RAP1GAP2: variants seen among roughly 807,000 people sequenced by gnomAD.
RAP1GAP2 encodes the protein rap1 GTPase-activating protein 2.
In RAP1GAP2, 27 loss-of-function variants were observed where a neutral mutation model predicts 95.0. The ratio of observed to expected loss-of-function variants is 0.28; its 90% CI spans 0.21 to 0.39. RAP1GAP2 has a LOEUF of 0.39. RAP1GAP2 is among the 10% of genes least tolerant of loss of function. RAP1GAP2 has a pLI of 1.00. For missense variants in RAP1GAP2, 771 were observed against 970.0 expected (o/e 0.79, Z 2.72); for synonymous variants, 373 against 380.9 (o/e 0.98, Z 0.24).
intron 14 of RAP1GAP2, among the ~76,000 whole-genome samples, chr17:2,998,697 TATTTGGA>T (rs1332440034): frequency 2.0e-5 from 3 of 151,520 alleles, no homozygotes; most frequent in African/African-American, 7.3e-5. Flanking sequence ...GTGAGTGTAG[TATTTGGA>T]ATTTGGTAAT....
chr17:2,965,690 T>A lies in RAP1GAP2; in HGVS notation c.596+47T>A. The A allele has an allele frequency of 7.2e-7, 1 of 1,392,398 alleles. No individual in the cohort carries two copies. Among genetic ancestry groups the A allele is most frequent in the Non-Finnish European group, 1.0e-6 (1 of 998,182 alleles). 86.3% of individuals were successfully genotyped at this position (1,392,398 alleles called of 1,614,324 possible). On this transcript the variant is annotated intron_variant, in intron 8 of 24. Coordinates refer to ENST00000254695, the MANE Select transcript of RAP1GAP2 (RefSeq NM_015085.5). The surrounding 1 kb of genome is among the most constrained non-coding windows in gnomAD (Gnocchi z 4.7). ...AGGCCACTTCTCTTCCAGGCAGGGC[T>A]CTCATCGGTGGTGTGGGGGCTGGGA...
Position 2,874,207 on chromosome 17 carries a change from G to C in RAP1GAP2, c.81-31077G>C, listed in dbSNP as rs541856187. ...CAGATTAAATAAGAGGCATAAGATTGAGCTCTGTGCCTGGGGAACAATGGG... is the reference window on the plus strand; with the variant it reads ...CAGATTAAATAAGAGGCATAAGATTCAGCTCTGTGCCTGGGGAACAATGGG... On this transcript the variant is annotated intron_variant, in intron 2 of 24. Transcript: ENST00000254695. 1.8e-4 allele frequency among the ~76,000 whole-genome samples: 27 copies of C among 152,288 alleles called. No individual in the cohort carries two copies. In the South Asian group the frequency reaches 5.4e-3, roughly 30 times the overall value.
At chr17:2,837,825 C>G (rs965495353) in intron 2 of RAP1GAP2, among the ~76,000 whole-genome samples, 1 of 151,600 alleles carries the variant, frequency 6.6e-6, no homozygotes. Flanking sequence ...CCAGGATGGT[C>G]TCGATCCCCT....
At chr17:2,781,928 CTGTG>C (rs980593550) in intron 1 of RAP1GAP2, among the ~76,000 whole-genome samples, 4 of 151,880 alleles carry the variant, frequency 2.6e-5, no homozygotes, top group African/African-American at 7.3e-5. Flanking sequence ...GGGCACGTCT[CTGTG>C]TGGGCAGGTC....
intron 8 of RAP1GAP2, among the ~76,000 whole-genome samples, chr17:2,967,249 T>G (rs2044652604): frequency 6.6e-6 from 1 of 152,052 alleles, no homozygotes; most frequent in Admixed American, 6.6e-5. Flanking sequence ...CGGGTGCCTG[T>G]AGTCCCAGCT....
intron 2 of RAP1GAP2, among the ~76,000 whole-genome samples, chr17:2,803,590 G>A (rs761350046): frequency 2.0e-5 from 3 of 152,178 alleles, no homozygotes; most frequent in African/African-American, 7.2e-5. Context: ...ATTTCAAAAC[G>A]TATCGCGGCC....
chr17:2,797,764 G>C lies in RAP1GAP2; in HGVS notation c.44+1193G>C. The C allele has an allele frequency of 3.0e-6, 3 of 985,400 alleles. No individual in the cohort carries two copies. The highest frequency in any genetic ancestry group is 3.6e-6 in the Non-Finnish European group (3 of 829,920). 61.0% of individuals were successfully genotyped at this position (985,400 alleles called of 1,614,324 possible). ...CGGGCCCTCCCTGACGCCTGGATCT[G>C]GGAGCTGCCACCCCGAGGGTAGGTG... On this transcript the variant is annotated intron_variant, in intron 1 of 24. Coordinates refer to ENST00000254695, the MANE Select transcript of RAP1GAP2 (RefSeq NM_015085.5). This position sits in a 1 kb window ranked among gnomAD's most constrained non-coding sequence, Gnocchi z 5.6.
intron 2 of RAP1GAP2, among the ~76,000 whole-genome samples, chr17:2,829,596 C>G (rs2070743166): frequency 6.6e-6 from 1 of 152,118 alleles, no homozygotes; most frequent in Non-Finnish European, 1.5e-5. Flanking sequence ...CAAGAGCTCA[C>G]CGAAGGGCTT....
intron 3 of RAP1GAP2, among the ~76,000 whole-genome samples, chr17:2,948,590 G>A (rs1055450208): frequency 6.7e-6 from 1 of 149,116 alleles, no homozygotes; most frequent in African/African-American, 2.5e-5. Context: ...TGCAACAAGA[G>A]GGAAGGAAGA....
At chr17:3,007,862 G>A (rs371590713) in intron 16 of RAP1GAP2, 149 bp from the exon 17 acceptor site, 3 of 914,072 alleles carry the variant, frequency 3.3e-6, no homozygotes, top group African/African-American at 1.7e-5. Flanking sequence ...TTGTGAGCAC[G>A]AAGCTCAGCT....
intron 2 of RAP1GAP2, among the ~76,000 whole-genome samples, chr17:2,830,982 A>C (rs117217205): frequency 0.71 from 37,660 of 53,032 alleles, 12,069 homozygotes; most frequent in African/African-American, 0.77. Context: ...CCCTTCCCCT[A>C]CCCTTCCCTC....
At chr17:2,962,341 A>G (rs539102704) in intron 4 of RAP1GAP2, 1 of 344,662 alleles carries the variant, frequency 2.9e-6, no homozygotes, top group Non-Finnish European at 5.3e-6. Context: ...AGTCGATGCC[A>G]TCATCATTCC....
At chr17:2,875,245 T>G (rs1426712609) in intron 2 of RAP1GAP2, among the ~76,000 whole-genome samples, 1 of 152,060 alleles carries the variant, frequency 6.6e-6, no homozygotes, top group Non-Finnish European at 1.5e-5. Context: ...TTTTGTGTTT[T>G]TAGTAGAGAT....
intron 8 of RAP1GAP2, among the ~76,000 whole-genome samples, chr17:2,974,218 A>G (rs1356544576): frequency 2.6e-5 from 4 of 151,376 alleles, no homozygotes; most frequent in South Asian, 2.1e-4. Flanking sequence ...GCGCAGTGGC[A>G]GGCGCCTGTA....
chr17:2,963,778 C>T lies in RAP1GAP2; in HGVS notation c.280-78C>T, dbSNP rs914506748. ...TACCAGGCCCCACTCCTGGGAGCAG[C>T]GCAGAGGGGACACCGCCACCGGCCC... On this transcript the variant is annotated intron_variant, in intron 6 of 24. Transcript: ENST00000254695. The surrounding 1 kb of genome is among the most constrained non-coding windows in gnomAD (Gnocchi z 4.8). The T allele has an allele frequency of 5.2e-5, 67 of 1,286,612 alleles. 1 individual carries two copies. Among genetic ancestry groups the T allele is most frequent in the African/African-American group, 4.3e-4 (29 of 67,382 alleles). 79.7% of individuals were successfully genotyped at this position (1,286,612 alleles called of 1,614,324 possible).
At chr17:2,860,508 C>T (rs1453103246) in intron 2 of RAP1GAP2, among the ~76,000 whole-genome samples, 3 of 151,542 alleles carry the variant, frequency 2.0e-5, no homozygotes, top group Non-Finnish European at 4.4e-5. Context: ...CTTATGGTGG[C>T]CAGAGTGGAG....
chr17:2,962,324 C>T (rs1290741569), intron 4 of RAP1GAP2: 2 of 310,718 alleles, frequency 6.4e-6, no homozygotes, highest in Non-Finnish European at 1.2e-5. Context: ...TTAACCTTCA[C>T]CACCATAGTC....
rs981882082 is a variant in RAP1GAP2, at chr17:3,027,541, G to A, written c.2107+471G>A. On this transcript the variant is annotated intron_variant, in intron 22 of 24. Coordinates refer to ENST00000254695, the MANE Select transcript of RAP1GAP2 (RefSeq NM_015085.5). The surrounding 1 kb of genome is among the most constrained non-coding windows in gnomAD (Gnocchi z 5.2). ...GAGGAGAGGAGAGAGCGGGTATTCC[G>A]GAACTGCACGTGTTCATGGCAGCTG... Among the ~76,000 whole-genome samples the A allele has an allele frequency of 5.3e-5, 8 of 152,070 alleles. No homozygotes were observed. Among genetic ancestry groups the A allele is most frequent in the South Asian group, 2.1e-4 (1 of 4,824 alleles).
At position 3,013,554 on chromosome 17, in the gene RAP1GAP2, G is replaced by C. The variant is rs1357145029; in HGVS notation, c.1495-4507G>C. Among the ~76,000 whole-genome samples the C allele has an allele frequency of 2.6e-5, 4 of 151,870 alleles. No homozygotes were observed. In the East Asian group the frequency reaches 7.7e-4, roughly 29 times the overall value. On this transcript the variant is annotated intron_variant, in intron 17 of 24. Transcript: ENST00000254695. ...TCCTCACACTTACCTTGCTGACTCCGGCGGCTGCACCAGGACTAATTGAGG... is the reference window on the plus strand; with the variant it reads ...TCCTCACACTTACCTTGCTGACTCCCGCGGCTGCACCAGGACTAATTGAGG...
Sources: allele counts gnomAD v4.1 joint callset (sites outside exome capture counted in the v4.1 genomes callset), GRCh38; gene constraint gnomAD v4.1.1; non-coding constraint Gnocchi (gnomAD v3.1); transcripts MANE v1.5; gene names NCBI Gene and HGNC (gene_info 2026-07-23, HGNC 2026-07-21).